The following TTC23 variants were observed in gnomAD, a reference collection of about 807,000 sequenced individuals.
TTC23 encodes the protein tetratricopeptide repeat domain 23.
Under a neutral mutation model 55.1 loss-of-function variants are expected in TTC23, and 58 were observed. The observed-to-expected ratio is 1.05, with a 90% CI of 0.85 to 1.31. The LOEUF (loss-of-function observed/expected upper bound fraction) is 1.31. Ranked by LOEUF, TTC23 falls within the 50% of genes most tolerant of loss-of-function variation. TTC23 has a pLI of 0.00. For synonymous variants in TTC23, 203 were observed against 199.9 expected, an observed-to-expected ratio of 1.02 and a Z score of -0.13; for missense variants, 516 against 534.4, an observed-to-expected ratio of 0.97 and a Z score of 0.34.
At chr15:99,190,956 A>AT (rs921549471) in intron 9 of TTC23, among the ~76,000 whole-genome samples, 115 of 150,536 alleles carry the variant, frequency 7.6e-4, no homozygotes, top group Non-Finnish European at 1.4e-3. Flanking sequence ...TAATTTTTGT[A>AT]TTTTTTTTTG....
intron 2 of TTC23, among the ~76,000 whole-genome samples, chr15:99,244,422 C>A (rs941155067): frequency 1.3e-5 from 2 of 152,014 alleles, no homozygotes; most frequent in Middle Eastern, 3.2e-3. Context: ...ATCGCCCCCC[C>A]CAATTAGAAC....
intron 9 of TTC23, among the ~76,000 whole-genome samples, chr15:99,180,300 CA>C (rs1317196137): frequency 2.8e-5 from 4 of 142,040 alleles, no homozygotes; most frequent in Non-Finnish European, 4.6e-5. Context: ...GGGTTAAAAA[CA>C]AAAAAAAACT....
At chr15:99,187,469 C>CAAAAAAAAA (rs1451783999) in intron 9 of TTC23, among the ~76,000 whole-genome samples, 1 of 110,648 alleles carries the variant, frequency 9.0e-6, no homozygotes, top group Non-Finnish European at 1.8e-5. Flanking sequence ...AAAAAAAAAA[C>CAAAAAAAAA]AAAACAAAAG....
intron 3 of TTC23, among the ~76,000 whole-genome samples, chr15:99,237,344 T>G (rs1325948854): frequency 6.6e-6 from 1 of 152,034 alleles, no homozygotes; most frequent in Non-Finnish European, 1.5e-5. Flanking sequence ...TACATACAAA[T>G]GTTCATAGAA....
chr15:99,224,241 T>C (rs2152058484), intron 5 of TTC23, among the ~76,000 whole-genome samples: 1 of 152,358 alleles, frequency 6.6e-6, no homozygotes, highest in East Asian at 1.9e-4. Context: ...AAAAATAATG[T>C]ATGCTCATTG....
intron 12 of TTC23, chr15:99,155,781 C>G (rs924289575): frequency 1.4e-5 from 4 of 293,140 alleles, no homozygotes; most frequent in Non-Finnish European, 2.5e-5. Context: ...TCATGCCATC[C>G]ACACAAATAA....
chr15:99,197,570 T>C (rs2075849606), intron 9 of TTC23, among the ~76,000 whole-genome samples: 1 of 152,122 alleles, frequency 6.6e-6, no homozygotes, highest in African/African-American at 2.4e-5. Context: ...TTATTTATCC[T>C]CTCTAGAATT....
chr15:99,219,731 C>T (rs1368743596), intron 6 of TTC23, among the ~76,000 whole-genome samples: 6 of 152,262 alleles, frequency 3.9e-5, no homozygotes, highest in South Asian at 2.1e-4. Flanking sequence ...ATCGCTAGCA[C>T]GGCTTCAGGG....
At position 99,228,684 on chromosome 15, in the gene TTC23, G is replaced by A; in HGVS notation, c.29C>T (p.Ser10Phe). The stretch of plus-strand genomic sequence containing the variant: ...AGCAACAACTTCATCTAGGTGGTTG[G>A]ATATGTGGGTTTCCTGTGATTCTTG... MQESQETHI[S>F]NHLDEVVAAV... is the part of the protein sequence containing the mutation. Residue 10 changes from serine to phenylalanine, a missense_variant, in exon 5 of 14, where the codon TCC becomes TTC. Transcript: ENST00000394132. 6.2e-7 allele frequency: 1 copy of A among 1,608,662 alleles called. No homozygotes were observed. The highest frequency in any genetic ancestry group is 8.5e-7 in the Non-Finnish European group (1 of 1,177,302).
At chr15:99,214,750 C>T (rs1162159270) in intron 8 of TTC23, among the ~76,000 whole-genome samples, 1 of 151,252 alleles carries the variant, frequency 6.6e-6, no homozygotes, top group African/African-American at 2.4e-5. Context: ...TTCTAGTTTT[C>T]ATTTTCTGAT....
At chr15:99,235,611 C>T (rs904662595) in intron 3 of TTC23, among the ~76,000 whole-genome samples, 3 of 152,174 alleles carry the variant, frequency 2.0e-5, no homozygotes, top group African/African-American at 4.8e-5. Flanking sequence ...ACCTCGTGAT[C>T]CGCCTGCCTT....
At chr15:99,156,710 T>A (rs532601575) in intron 11 of TTC23, among the ~76,000 whole-genome samples, 1 of 152,148 alleles carries the variant, frequency 6.6e-6, no homozygotes, top group South Asian at 2.1e-4. Context: ...GTCCCTACCA[T>A]GACACATGGG....
intron 11 of TTC23, chr15:99,160,796 CG>C (rs2071262173): frequency 6.6e-6 from 1 of 151,938 alleles, no homozygotes; most frequent in Non-Finnish European, 1.5e-5. Context: ...GGGCGGATCA[CG>C]GGGTCAGGAG....
chr15:99,190,445 T>C (rs533016038), intron 9 of TTC23, among the ~76,000 whole-genome samples: 1 of 152,170 alleles, frequency 6.6e-6, no homozygotes, highest in South Asian at 2.1e-4. Context: ...GCTAATTTCC[T>C]TGTTCTTATA....
intron 3 of TTC23, among the ~76,000 whole-genome samples, chr15:99,236,771 G>A (rs146540489): frequency 5.5e-4 from 84 of 152,204 alleles, no homozygotes; most frequent in African/African-American, 2.0e-3. Context: ...CCTTAACCCC[G>A]TATCAGATAC....
At chr15:99,229,083 CATATAT>C (rs150846192) in intron 4 of TTC23, among the ~76,000 whole-genome samples, 1 of 141,706 alleles carries the variant, frequency 7.1e-6, no homozygotes, top group Admixed American at 7.1e-5. Context: ...TTTGTATGTA[CATATAT>C]ATATAAAGTC....
At chr15:99,200,571 A>G (rs969273627) in intron 8 of TTC23, among the ~76,000 whole-genome samples, 1 of 152,186 alleles carries the variant, frequency 6.6e-6, no homozygotes, top group Non-Finnish European at 1.5e-5. Flanking sequence ...AAATTTTAGA[A>G]ATTTCCCAGT....
intron 12 of TTC23, among the ~76,000 whole-genome samples, chr15:99,154,651 A>G (rs1278622928): frequency 6.6e-6 from 1 of 152,234 alleles, no homozygotes; most frequent in African/African-American, 2.4e-5. Context: ...AATCTCCGGT[A>G]GTGTGAAATA....
chr15:99,202,372 G>A (rs2602037), intron 8 of TTC23, among the ~76,000 whole-genome samples: 40,797 of 152,002 alleles, frequency 0.27, 6,138 homozygotes, highest in African/African-American at 0.41. Flanking sequence ...TTCCCAGACT[G>A]CCCGTAAAAG....
Sources: gnomAD v4.1 joint callset for allele counts (sites outside exome capture counted in the v4.1 genomes callset) on GRCh38, gnomAD v4.1.1 for gene constraint, MANE v1.5 for transcripts, NCBI Gene and HGNC (gene_info 2026-07-23, HGNC 2026-07-21) for gene names.